Variants in OTOF observed in about 807,000 individuals in gnomAD.
OTOF encodes fer-1-like family member 2.
Under a neutral mutation model 236.8 loss-of-function variants are expected in OTOF, and 218 were observed. That is an observed-to-expected ratio of 0.92 (90% CI 0.82 to 1.03). The LOEUF (loss-of-function observed/expected upper bound fraction) is 1.03, where lower values mean the gene tolerates loss of function less well. Ranked by LOEUF, OTOF falls within the 50% of genes least tolerant of loss-of-function variation. The probability of loss-of-function intolerance (pLI) is 0.00; values close to 1 mark genes in which losing one functional copy is unlikely to be tolerated. For synonymous variants in OTOF, 1,041 were observed against 1,072.5 expected, an observed-to-expected ratio of 0.97 and a Z score of 0.57; for missense variants, 2,590 against 2,694.4, an observed-to-expected ratio of 0.96 and a Z score of 0.86.
At chr2:26,533,330 T>C (rs1464678141) in intron 2 of OTOF, among the ~76,000 whole-genome samples, 1 of 152,112 alleles carries the variant, frequency 6.6e-6, no homozygotes, top group Non-Finnish European at 1.5e-5. Flanking sequence ...TAGAGTACAA[T>C]GGAAAGAGAC....
At chr2:26,543,360 C>G (rs1171136323) in intron 1 of OTOF, among the ~76,000 whole-genome samples, 2 of 152,212 alleles carry the variant, frequency 1.3e-5, no homozygotes, top group Admixed American at 6.5e-5. Flanking sequence ...GACTCACCAT[C>G]TGTTAGCCGG....
At chr2:26,513,200 A>C (rs1666432902) in intron 5 of OTOF, among the ~76,000 whole-genome samples, 1 of 152,160 alleles carries the variant, frequency 6.6e-6, no homozygotes, top group Non-Finnish European at 1.5e-5. Flanking sequence ...GGGTAACTTC[A>C]TGGCAGATTC....
Position 26,467,424 on chromosome 2 carries a change from C to T in OTOF, c.4168G>A (p.Gly1390Ser). The T allele has an allele frequency of 6.2e-7, 1 of 1,614,020 alleles. No individual in the cohort carries two copies. Among genetic ancestry groups the T allele is most frequent in the South Asian group, 1.1e-5 (1 of 91,066 alleles). The part of the protein sequence containing the change: ...EEKKKKTQSS[G>S]SGQGSEAPEK... The stretch of plus-strand genomic sequence containing the variant: ...GGGGCCTCGGACCCCTGGCCAGAGC[C>T]AGAGCTCTGAGTTTTCTTCTTCTTC... The change falls in exon 34 of 47, where the codon GGC becomes AGC. Residue 1390 changes from glycine (G) to serine (S), a missense_variant. Gly to Ser is a moderately conservative substitution (Grantham distance 56). Around this residue, in one of 2 missense-constraint regions of OTOF, gnomAD observed 1,211 missense variants for 1,352.8 expected, o/e 0.90. Transcript: ENST00000272371.
chr2:26,550,134 C>T (rs773532462), intron 1 of OTOF, among the ~76,000 whole-genome samples: 37 of 151,024 alleles, frequency 2.4e-4, no homozygotes, highest in African/African-American at 8.3e-4. Flanking sequence ...GGTGAAAACT[C>T]GTCTCCACCT....
In OTOF at chr2:26,461,675, C is replaced by A; in HGVS notation, c.5533+21G>T. 1.2e-6 allele frequency: 2 copies of A among 1,613,242 alleles called. No homozygotes were observed. Among genetic ancestry groups the A allele is most frequent in the Middle Eastern group, 3.3e-4 (2 of 6,062 alleles). The stretch of plus-strand genomic sequence containing the variant: ...TTCTCAGTTCTGGATCCTGAACCCC[C>A]ATCCCTGCCCTGCTCTGCACCCAGG... On this transcript the variant is annotated intron_variant, in intron 43 of 46. Transcript: ENST00000272371. The surrounding 1 kb of genome is among the most constrained non-coding windows in gnomAD (Gnocchi z 6.2).
intron 1 of OTOF, among the ~76,000 whole-genome samples, chr2:26,553,440 C>T (rs1461812402): frequency 2.0e-5 from 3 of 152,220 alleles, no homozygotes; most frequent in Admixed American, 6.5e-5. Context: ...CCTTTTCCCT[C>T]GTCTCTGTAG....
chr2:26,542,465 A>G (rs1667232730), intron 1 of OTOF, among the ~76,000 whole-genome samples: 1 of 152,214 alleles, frequency 6.6e-6, no homozygotes, highest in Non-Finnish European at 1.5e-5. Flanking sequence ...TGTCATTGGC[A>G]TGCAAAAAGT....
At chr2:26,463,873 G>A (rs146385222) in intron 40 of OTOF, 91 bp downstream of exon 40, 233 of 1,544,258 alleles carry the variant, frequency 1.5e-4, no homozygotes, top group Middle Eastern at 1.2e-3. Flanking sequence ...AGCGGACAGC[G>A]TGAGGCCTGG....
chr2:26,513,121 G>A (rs976365488), intron 5 of OTOF, among the ~76,000 whole-genome samples: 3 of 152,186 alleles, frequency 2.0e-5, no homozygotes, highest in African/African-American at 7.2e-5. Flanking sequence ...TTGGGGCAGA[G>A]AGTCAGTGGG....
intron 1 of OTOF, among the ~76,000 whole-genome samples, chr2:26,547,616 A>T (rs564788248): frequency 6.6e-5 from 10 of 152,262 alleles, no homozygotes; most frequent in South Asian, 4.1e-4. Context: ...TGGGCAGATC[A>T]CTTGAGGTCA....
chr2:26,463,439 G>A, intron 41 of OTOF, 44 bp downstream of exon 41: 1 of 1,461,382 alleles, frequency 6.8e-7, no homozygotes. Context: ...GGAAGTGGGT[G>A]GGGTGGGCCG....
In OTOF at chr2:26,474,124, G is replaced by A. The variant is rs779559643; in HGVS notation, c.3289-14C>T. ...TGCTGGTCCAATCTGGGGAATGGGG[G>A]TCACAGGTCACACACTGGGGAGCCC... On this transcript the variant is annotated splice_polypyrimidine_tract_variant and intron_variant, in intron 26 of 46. Coordinates refer to ENST00000272371, the MANE Select transcript of OTOF (RefSeq NM_194248.3). 10 of 1,612,708 alleles carry A rather than the reference G, an allele frequency of 6.2e-6. No individual in the cohort carries two copies. In the East Asian group the frequency reaches 1.6e-4, roughly 25 times the overall value.
At position 26,477,898 on chromosome 2, in the gene OTOF, A is replaced by C; in HGVS notation, c.2215-149T>G. Reference sequence around the variant, plus strand: ...ATCCTGAGTATCGGTCATCATGAGGAAGTCATCAATTTCCCAGGTTCTGTT... The same window carrying C: ...ATCCTGAGTATCGGTCATCATGAGGCAGTCATCAATTTCCCAGGTTCTGTT... On this transcript the variant is annotated intron_variant, in intron 18 of 46. Transcript: ENST00000272371. The surrounding 1 kb of genome is among the most constrained non-coding windows in gnomAD (Gnocchi z 4.7). The C allele has an allele frequency of 6.5e-7, 1 of 1,537,650 alleles. No homozygotes were observed. The highest frequency in any genetic ancestry group is 8.8e-7 in the Non-Finnish European group (1 of 1,139,570).
intron 23 of OTOF, 29 bp downstream of exon 23, chr2:26,476,099 G>A (rs1362165006): frequency 6.2e-7 from 1 of 1,611,212 alleles, no homozygotes; most frequent in East Asian, 2.2e-5. Context: ...CCTCCCAGGT[G>A]AGGCTTCGAG....
intron 8 of OTOF, among the ~76,000 whole-genome samples, chr2:26,499,394 C>G (rs965259835): frequency 1.3e-4 from 20 of 152,156 alleles, no homozygotes; most frequent in African/African-American, 4.8e-4. Flanking sequence ...GCTAAGTCTC[C>G]CCACATCTCA....
intron 5 of OTOF, among the ~76,000 whole-genome samples, chr2:26,512,317 T>C (rs1666411580): frequency 6.6e-6 from 1 of 152,210 alleles, no homozygotes; most frequent in African/African-American, 2.4e-5. Flanking sequence ...CTCTCTAAGA[T>C]GTGACTCCTA....
Position 26,458,208 on chromosome 2 carries a change from C to T in OTOF, c.*30G>A, listed in dbSNP as rs773399784. 3.1e-5 allele frequency: 50 copies of T among 1,588,010 alleles called. No individual in the cohort carries two copies. The highest frequency in any genetic ancestry group is 4.0e-5 in the Non-Finnish European group (47 of 1,167,222). On this transcript the variant is annotated 3_prime_UTR_variant, in exon 47 of 47. Transcript: ENST00000272371. ...GAGGGTTGAGGAACCAGACGAAGGC[C>T]GTGTCGGGCCGGCTGGGAAGTGGAA...
chr2:26,486,090 G>A (rs1665692408), intron 11 of OTOF, among the ~76,000 whole-genome samples: 1 of 152,174 alleles, frequency 6.6e-6, no homozygotes, highest in Non-Finnish European at 1.5e-5. Context: ...CGGACAGATG[G>A]TGAATGGATT....
intron 2 of OTOF, among the ~76,000 whole-genome samples, chr2:26,532,157 G>A (rs1666966479): frequency 6.6e-6 from 1 of 150,618 alleles, no homozygotes; most frequent in Admixed American, 6.6e-5. Context: ...TTTCATCTGG[G>A]TAGGACTTAG....
Sources: gnomAD v4.1 joint callset for allele counts (sites outside exome capture counted in the v4.1 genomes callset) on GRCh38, gnomAD v4.1.1 for gene constraint, gnomAD v4.1.1 regional missense constraint, Gnocchi (gnomAD v3.1) non-coding constraint, MANE v1.5 for transcripts, NCBI Gene and HGNC (gene_info 2026-07-23, HGNC 2026-07-21) for gene names.